The following SCAF8 variants were observed in gnomAD, a reference collection of about 807,000 sequenced individuals.
SCAF8 encodes the protein SR-related and CTD-associated factor 8.
In SCAF8, 23 loss-of-function variants were observed where a neutral mutation model predicts 140.5. The ratio of observed to expected loss-of-function variants is 0.16; its 90% CI spans 0.12 to 0.23. The LOEUF (loss-of-function observed/expected upper bound fraction) is 0.23, where lower values mean the gene tolerates loss of function less well. Among genes scored for constraint, SCAF8 ranks in the 10% least tolerant of loss-of-function variants. The pLI is 1.00. For synonymous variants in SCAF8, 575 were observed against 528.9 expected (o/e 1.09, Z -1.20); for missense variants, 1,397 against 1,555.7 (o/e 0.90, Z 1.72).
chr6:154,779,125 C>T (rs962463180), intron 3 of SCAF8, among the ~76,000 whole-genome samples: 18 of 152,038 alleles, frequency 1.2e-4, no homozygotes, highest in African/African-American at 3.4e-4. Context: ...CTCTGTCTCC[C>T]GAGTTCAAGC....
chr6:154,811,943 G>A (rs558507339), intron 12 of SCAF8, among the ~76,000 whole-genome samples: 1 of 152,186 alleles, frequency 6.6e-6, no homozygotes, highest in African/African-American at 2.4e-5. Context: ...TATCATTGAT[G>A]GACATTTGGA....
chr6:154,772,928 T>G (rs1291024993), intron 1 of SCAF8, among the ~76,000 whole-genome samples: 1 of 151,922 alleles, frequency 6.6e-6, no homozygotes, highest in East Asian at 1.9e-4. Flanking sequence ...CTAAGCTAAT[T>G]TTTGTATTTT....
chr6:154,794,939 A>G, intron 5 of SCAF8, 70 bp from the exon 6 acceptor site: 1 of 1,371,106 alleles, frequency 7.3e-7, no homozygotes, highest in Non-Finnish European at 1.0e-6. Context: ...AAAACAAGTT[A>G]TTCTGCTTTT....
chr6:154,770,279 C>T (rs1776697105), intron 1 of SCAF8, among the ~76,000 whole-genome samples: 1 of 151,796 alleles, frequency 6.6e-6, no homozygotes, highest in Admixed American at 6.6e-5. Context: ...CATAACAAAA[C>T]CCCGTCTTTA....
At chr6:154,766,328 T>G (rs569030712) in intron 1 of SCAF8, among the ~76,000 whole-genome samples, 1 of 152,290 alleles carries the variant, frequency 6.6e-6, no homozygotes, top group African/African-American at 2.4e-5. Context: ...CCAACTTTTT[T>G]GCTTTTTCAT....
rs1583026385 is a variant in SCAF8, at chr6:154,778,731, T to C, written c.159+686T>C. The stretch of plus-strand genomic sequence containing the variant: ...GTGAGCTGAGATCACACCACTGCAC[T>C]CCAGCCTGGGGAACAGAGTGAGACC... On this transcript the variant is annotated intron_variant, in intron 3 of 19. Transcript: ENST00000367178. Among the ~76,000 whole-genome samples, 4 of 151,564 alleles carry C rather than the reference T, an allele frequency of 2.6e-5. 1 individual carries two copies. In the South Asian group the frequency reaches 6.3e-4, roughly 24 times the overall value.
chr6:154,801,058 G>A (rs1777757278), intron 6 of SCAF8, among the ~76,000 whole-genome samples: 1 of 151,422 alleles, frequency 6.6e-6, no homozygotes, highest in Non-Finnish European at 1.5e-5. Context: ...AAGAATAACA[G>A]TGCCATGGGA....
chr6:154,771,993 A>G (rs1776782274), intron 1 of SCAF8, among the ~76,000 whole-genome samples: 2 of 152,218 alleles, frequency 1.3e-5, no homozygotes, highest in Admixed American at 1.3e-4. Flanking sequence ...GACTGTGGTC[A>G]TGGTATGGTG....
At chr6:154,759,084 G>A (rs1208895511) in intron 1 of SCAF8, among the ~76,000 whole-genome samples, 1 of 152,120 alleles carries the variant, frequency 6.6e-6, no homozygotes, top group Non-Finnish European at 1.5e-5. Context: ...CATTTTTCAG[G>A]TTTGACTCTG....
intron 1 of SCAF8, among the ~76,000 whole-genome samples, chr6:154,747,897 T>TGTGC (rs1491316822): frequency 0.017 from 234 of 14,164 alleles, 1 homozygote; most frequent in African/African-American, 0.16. Flanking sequence ...ATTTCATTTC[T>TGTGC]GTGTGTGTGT....
Position 154,833,097 on chromosome 6 carries a change from T to TG in SCAF8, c.3519dup (p.Asn1174GlufsTer24). The TG allele has an allele frequency of 6.2e-7, 1 of 1,614,036 alleles. No homozygotes were observed. The highest frequency in any genetic ancestry group is 8.5e-7 in the Non-Finnish European group (1 of 1,179,982). On this transcript the variant is annotated frameshift_variant, in exon 20 of 20. Transcript: ENST00000367178. LOFTEE classifies it high-confidence loss of function. Reference sequence around the variant, plus strand: ...AGAGATTTTGATTTCTGCAGAGAAATGAATGGAAATCGTCTTGGACGAGAC... The same window carrying TG: ...AGAGATTTTGATTTCTGCAGAGAAATGGAATGGAAATCGTCTTGGACGAGAC...
chr6:154,806,508 A>G (rs1777918955), intron 9 of SCAF8, among the ~76,000 whole-genome samples: 1 of 152,206 alleles, frequency 6.6e-6, no homozygotes, highest in Non-Finnish European at 1.5e-5. Flanking sequence ...GGCATCAGGT[A>G]ACCTCTTCTC....
intron 7 of SCAF8, 90 bp from the exon 8 acceptor site, chr6:154,803,454 C>T (rs954728579): frequency 5.1e-5 from 43 of 840,058 alleles, no homozygotes; most frequent in Middle Eastern, 2.4e-4. Flanking sequence ...ATAGATATAA[C>T]GGAATGCCAT....
chr6:154,794,025 G>T (rs1004014805), intron 5 of SCAF8, among the ~76,000 whole-genome samples: 3 of 151,840 alleles, frequency 2.0e-5, no homozygotes, highest in Non-Finnish European at 2.9e-5. Flanking sequence ...GGCTTCTAGT[G>T]ATCCTCCCAT....
chr6:154,812,924 G>A (rs1265079009), intron 12 of SCAF8, among the ~76,000 whole-genome samples: 2 of 152,036 alleles, frequency 1.3e-5, no homozygotes, highest in Non-Finnish European at 2.9e-5. Context: ...AATGCCAGGT[G>A]CAGCGGCTCA....
At chr6:154,774,636 T>C (rs991096037) in intron 2 of SCAF8, among the ~76,000 whole-genome samples, 2 of 152,182 alleles carry the variant, frequency 1.3e-5, no homozygotes, top group Non-Finnish European at 2.9e-5. Context: ...ATTAATATTA[T>C]AGATTTGAAA....
chr6:154,817,431 C>G (rs1251204972), intron 13 of SCAF8, among the ~76,000 whole-genome samples: 3 of 152,112 alleles, frequency 2.0e-5, no homozygotes, highest in Non-Finnish European at 4.4e-5. Flanking sequence ...ATAATAAGCA[C>G]TAAGTTATTT....
intron 9 of SCAF8, among the ~76,000 whole-genome samples, chr6:154,807,279 T>G (rs1263741394): frequency 6.6e-6 from 1 of 152,180 alleles, no homozygotes; most frequent in Non-Finnish European, 1.5e-5. Context: ...TATATATCAG[T>G]TCCAAAATTT....
chr6:154,735,752 G>C lies in SCAF8; in HGVS notation c.30+1822G>C, dbSNP rs371589901. Among the ~76,000 whole-genome samples the C allele has an allele frequency of 3.3e-5, 5 of 152,184 alleles. No individual in the cohort carries two copies. In the East Asian group the frequency reaches 5.8e-4, roughly 18 times the overall value. On this transcript the variant is annotated intron_variant, in intron 1 of 19. Transcript: ENST00000367178. ...TGTTCTCAAACTCCTGACCTCAAGTGATCCACCCGCCTTGGCCTCCCAAAG... is the reference window on the plus strand; with the variant it reads ...TGTTCTCAAACTCCTGACCTCAAGTCATCCACCCGCCTTGGCCTCCCAAAG...
Sources: gnomAD v4.1 joint callset for allele counts (sites outside exome capture counted in the v4.1 genomes callset) on GRCh38, gnomAD v4.1.1 for gene constraint, MANE v1.5 for transcripts, NCBI Gene and HGNC (gene_info 2026-07-23, HGNC 2026-07-21) for gene names.